CORIN: variants seen among roughly 807,000 people sequenced by gnomAD.
The protein encoded by CORIN is atrial natriuretic peptide-converting enzyme.
In CORIN, 117 loss-of-function variants were observed where a neutral mutation model predicts 125.3. That is an observed-to-expected ratio of 0.93 (90% CI 0.80 to 1.09). The LOEUF is 1.09. Among genes scored for constraint, CORIN ranks in the 50% least tolerant of loss-of-function variants. The pLI is 0.00. For synonymous variants in CORIN, 450 were observed against 466.4 expected (o/e 0.96, Z 0.45); for missense variants, 1,253 against 1,306.7 (o/e 0.96, Z 0.63).
intron 19 of CORIN, among the ~76,000 whole-genome samples, chr4:47,604,062 G>C (rs1038217473): frequency 2.0e-5 from 3 of 152,214 alleles, no homozygotes; most frequent in Non-Finnish European, 4.4e-5. Context: ...GTGACTTGAA[G>C]AAATGCCAGG....
At chr4:47,709,523 CT>C (rs1367743324) in intron 5 of CORIN, among the ~76,000 whole-genome samples, 1 of 152,068 alleles carries the variant, frequency 6.6e-6, no homozygotes, top group Non-Finnish European at 1.5e-5. Context: ...AACTCCTGAG[CT>C]CAAGCGACTC....
At chr4:47,793,027 C>CTGTTGT (rs892227612) in intron 2 of CORIN, among the ~76,000 whole-genome samples, 4 of 148,948 alleles carry the variant, frequency 2.7e-5, no homozygotes, top group Non-Finnish European at 5.9e-5. Context: ...TTGTAGAAGC[C>CTGTTGT]TGTTGTTGTT....
chr4:47,603,431 G>T lies in CORIN; in HGVS notation c.2778C>A (p.Cys926Ter). 7 of 1,614,144 alleles carry T rather than the reference G, an allele frequency of 4.3e-6. No homozygotes were observed. Among genetic ancestry groups the T allele is most frequent in the Non-Finnish European group, 5.9e-6 (7 of 1,180,032 alleles). The change falls in exon 20 of 22, where the codon TGC becomes TGA. Residue 926 changes from cysteine to a stop codon, truncating the protein, a stop_gained. Transcript: ENST00000273857. LOFTEE classifies it high-confidence loss of function. ...PEQWLEPDTY[C>*]YITGWGHMGN... ...CCATGTGGCCCCAGCCTGTGATATAGCAGTACGTGTCAGGCTCTAGCCACT... is the reference window on the plus strand; with the variant it reads ...CCATGTGGCCCCAGCCTGTGATATATCAGTACGTGTCAGGCTCTAGCCACT...
intron 5 of CORIN, among the ~76,000 whole-genome samples, chr4:47,703,539 T>G (rs1019357668): frequency 3.3e-5 from 5 of 152,194 alleles, no homozygotes; most frequent in Admixed American, 1.3e-4. Flanking sequence ...GTATTTAAAC[T>G]TACACTATCT....
Position 47,749,578 on chromosome 4 carries a change from CCTGGCTGGGCCA to C in CORIN, c.618-5007_618-4996del, listed in dbSNP as rs200296472. On this transcript the variant is annotated intron_variant, in intron 4 of 21. Coordinates refer to ENST00000273857, the MANE Select transcript of CORIN (RefSeq NM_006587.4). ...ATGTGACAGACCCTAAAGCAGAGGACCTGGCTGGGCCACTCCCAGATATCCGGCCCATAGCAA... is the reference window on the plus strand; with the variant it reads ...ATGTGACAGACCCTAAAGCAGAGGACCTCCCAGATATCCGGCCCATAGCAA... Among the ~76,000 whole-genome samples, 914 of 152,300 alleles carry C rather than the reference CCTGGCTGGGCCA, an allele frequency of 6.0e-3. 9 individuals carry two copies. Among genetic ancestry groups the C allele is most frequent in the African/African-American group, 0.021 (853 of 41,558 alleles).
chr4:47,825,761 C>T (rs923493027), intron 1 of CORIN, among the ~76,000 whole-genome samples: 1 of 145,968 alleles, frequency 6.9e-6, no homozygotes, highest in Non-Finnish European at 1.5e-5. Flanking sequence ...AGTGCAGTGG[C>T]GTGATCTCGG....
chr4:47,779,241 C>T (rs1425280361), intron 3 of CORIN, among the ~76,000 whole-genome samples: 11 of 152,080 alleles, frequency 7.2e-5, no homozygotes, highest in South Asian at 2.1e-4. Flanking sequence ...CTGAGGCAGG[C>T]GGATCACTCA....
chr4:47,673,815 A>G (rs1724880121), intron 10 of CORIN, among the ~76,000 whole-genome samples: 1 of 152,186 alleles, frequency 6.6e-6, no homozygotes, highest in Non-Finnish European at 1.5e-5. Flanking sequence ...TGGGAGGCCC[A>G]GGCAGATGGA....
chr4:47,610,870 T>A (rs1180866191), intron 19 of CORIN, among the ~76,000 whole-genome samples: 1 of 152,210 alleles, frequency 6.6e-6, no homozygotes, highest in African/African-American at 2.4e-5. Context: ...ATTGCTTGTT[T>A]TTGTCATGTT....
intron 1 of CORIN, among the ~76,000 whole-genome samples, chr4:47,821,128 G>A (rs28537289): frequency 0.29 from 43,234 of 151,630 alleles, 7,033 homozygotes; most frequent in East Asian, 0.62. Flanking sequence ...CCAGCTGCTC[G>A]GGAGGCTGAG....
chr4:47,813,742 T>C (rs539999838), intron 1 of CORIN, among the ~76,000 whole-genome samples: 1 of 152,240 alleles, frequency 6.6e-6, no homozygotes, highest in Non-Finnish European at 1.5e-5. Context: ...AAATAAACTA[T>C]GTAGACTTAG....
Position 47,661,830 on chromosome 4 carries a change from C to G in CORIN, c.1616G>C (p.Arg539Pro). The change falls in exon 12 of 22, where the codon CGC becomes CCC. Residue 539 changes from arginine (R) to proline (P), a missense_variant. Transcript: ENST00000273857. ...CRALCEHSKE[R>P]CESVLGIVGL... ...CACAATCCCAAGAACAGACTCACAGCGTTCTTTAGAGTGTTCACACAATGC... is the reference window on the plus strand; with the variant it reads ...CACAATCCCAAGAACAGACTCACAGGGTTCTTTAGAGTGTTCACACAATGC... 3 of 1,612,406 alleles carry G rather than the reference C, an allele frequency of 1.9e-6. No individual in the cohort carries two copies. The highest frequency in any genetic ancestry group is 2.5e-6 in the Non-Finnish European group (3 of 1,179,004).
chr4:47,674,567 G>C, intron 9 of CORIN, 67 bp from the exon 10 acceptor site: 4 of 941,750 alleles, frequency 4.2e-6, no homozygotes, highest in Non-Finnish European at 7.0e-6. Context: ...GGATCTAAAA[G>C]ATCAGGAATG....
chr4:47,793,954 T>C (rs992085672), intron 2 of CORIN, among the ~76,000 whole-genome samples: 1 of 152,158 alleles, frequency 6.6e-6, no homozygotes, highest in Non-Finnish European at 1.5e-5. Flanking sequence ...AACAAGGCTT[T>C]AGACTACCAT....
At chr4:47,727,634 A>G (rs941437808) in intron 5 of CORIN, among the ~76,000 whole-genome samples, 1 of 152,086 alleles carries the variant, frequency 6.6e-6, no homozygotes. Context: ...ATTACACTGT[A>G]ATGAAATTCT....
intron 13 of CORIN, among the ~76,000 whole-genome samples, chr4:47,651,544 C>T (rs1723730725): frequency 1.3e-5 from 2 of 152,150 alleles, no homozygotes; most frequent in African/African-American, 2.4e-5. Context: ...CAAAGGGGAA[C>T]GAAGTATGTA....
intron 19 of CORIN, among the ~76,000 whole-genome samples, chr4:47,609,165 T>A (rs1577733305): frequency 1.3e-5 from 2 of 152,320 alleles, no homozygotes; most frequent in East Asian, 3.9e-4. Context: ...CACTATGGCA[T>A]CATTGCTGTT....
rs183254355 is a variant in CORIN, at chr4:47,685,172, T to C, written c.914-1334A>G. Among the ~76,000 whole-genome samples, 133 of 152,298 alleles carry C rather than the reference T, an allele frequency of 8.7e-4. 1 individual carries two copies. Among genetic ancestry groups the C allele is most frequent in the Middle Eastern group, 3.4e-3 (1 of 294 alleles). ...TTTGTGAATTCCACTCTTAGGAATC[T>C]ACCCAAGATAAATTAAACATATATC... On this transcript the variant is annotated intron_variant, in intron 6 of 21. Transcript: ENST00000273857.
chr4:47,733,202 C>T (rs1035886532), intron 5 of CORIN, among the ~76,000 whole-genome samples: 1 of 152,112 alleles, frequency 6.6e-6, no homozygotes, highest in African/African-American at 2.4e-5. Flanking sequence ...ACAATTCTAC[C>T]ACTTAGGTAT....
Sources: gnomAD v4.1 joint callset for allele counts (sites outside exome capture counted in the v4.1 genomes callset) on GRCh38, gnomAD v4.1.1 for gene constraint, MANE v1.5 for transcripts, NCBI Gene and HGNC (gene_info 2026-07-23, HGNC 2026-07-21) for gene names.